Variants in SYNDIG1 observed in about 807,000 individuals in gnomAD.
SYNDIG1 encodes synapse differentiation-inducing gene protein 1.
Under a neutral mutation model 19.4 loss-of-function variants are expected in SYNDIG1, and 9 were observed. The ratio of observed to expected loss-of-function variants is 0.46; its 90% CI spans 0.28 to 0.81. The LOEUF (loss-of-function observed/expected upper bound fraction) is 0.81. Ranked by LOEUF, SYNDIG1 falls within the 30% of genes least tolerant of loss-of-function variation. SYNDIG1 has a pLI of 0.12. For synonymous variants in SYNDIG1, 141 were observed against 145.9 expected (o/e 0.97, Z 0.24); for missense variants, 311 against 343.3 (o/e 0.91, Z 0.74).
chr20:24,582,877 A>C (rs1967153706), intron 2 of SYNDIG1, among the ~76,000 whole-genome samples: 1 of 152,194 alleles, frequency 6.6e-6, no homozygotes, highest in African/African-American at 2.4e-5. Context: ...GCCCAGCAGG[A>C]GGGGCGAGGC....
At chr20:24,501,730 G>A (rs1344417885) in intron 1 of SYNDIG1, among the ~76,000 whole-genome samples, 3 of 152,188 alleles carry the variant, frequency 2.0e-5, no homozygotes, top group Admixed American at 1.3e-4. Flanking sequence ...CTGTGCTTCC[G>A]ATATTATTCA....
At chr20:24,533,039 G>A (rs1161171186) in intron 1 of SYNDIG1, among the ~76,000 whole-genome samples, 3 of 152,088 alleles carry the variant, frequency 2.0e-5, no homozygotes, top group Admixed American at 6.5e-5. Context: ...GCACGTGGGA[G>A]AGAATCCGTC....
chr20:24,560,322 C>T (rs1166757397), intron 2 of SYNDIG1, among the ~76,000 whole-genome samples: 2 of 151,928 alleles, frequency 1.3e-5, no homozygotes, highest in Non-Finnish European at 2.9e-5. Flanking sequence ...ATAGCAAATA[C>T]ATTGTTATGC....
chr20:24,561,844 G>T (rs1336509100), intron 2 of SYNDIG1, among the ~76,000 whole-genome samples: 8 of 152,200 alleles, frequency 5.3e-5, no homozygotes, highest in Admixed American at 3.3e-4. Context: ...TTGTGGTTAG[G>T]TTGAGAATGT....
In SYNDIG1 at chr20:24,665,754, G is replaced by T; in HGVS notation, c.*250G>T. The T allele has an allele frequency of 3.9e-6, 2 of 506,960 alleles. No individual in the cohort carries two copies. Among genetic ancestry groups the T allele is most frequent in the Non-Finnish European group, 6.6e-6 (2 of 301,788 alleles). The allele number at this position is 506,960 out of a possible 1,614,324, so 31.4% of individuals were successfully genotyped here. ...AGCTCCAAAGATCCCAGCCCGCAAG[G>T]CTGTCTCTGGATGGATTCTGGTGGA... On this transcript the variant is annotated 3_prime_UTR_variant, in exon 4 of 4. Coordinates refer to ENST00000376862, the MANE Select transcript of SYNDIG1 (RefSeq NM_024893.3).
intron 1 of SYNDIG1, among the ~76,000 whole-genome samples, chr20:24,480,718 G>C (rs1449991084): frequency 2.0e-5 from 3 of 152,198 alleles, no homozygotes; most frequent in Non-Finnish European, 4.4e-5. Flanking sequence ...AAACGTGGAA[G>C]CAAGCCAAGA....
chr20:24,552,995 T>C (rs1377849755), intron 2 of SYNDIG1, among the ~76,000 whole-genome samples: 2 of 151,942 alleles, frequency 1.3e-5, no homozygotes, highest in African/African-American at 4.8e-5. Flanking sequence ...TTTTAATGAT[T>C]GCCATTCTAA....
intron 3 of SYNDIG1, 58 bp downstream of exon 3, chr20:24,585,051 G>GT: frequency 2.1e-6 from 2 of 956,966 alleles, no homozygotes; most frequent in Non-Finnish European, 1.6e-6. Context: ...GTGGGGGTGG[G>GT]GGCGGCAATC....
intron 3 of SYNDIG1, among the ~76,000 whole-genome samples, chr20:24,626,096 T>A (rs1348253168): frequency 1.4e-5 from 2 of 148,102 alleles, no homozygotes; most frequent in African/African-American, 2.5e-5. Context: ...GAGGGGCTCC[T>A]CACTTCCCAG....
At chr20:24,537,451 A>G (rs2057384257) in intron 1 of SYNDIG1, among the ~76,000 whole-genome samples, 1 of 151,988 alleles carries the variant, frequency 6.6e-6, no homozygotes, top group Non-Finnish European at 1.5e-5. Context: ...TCCTGCTGCC[A>G]GTCTTGTTTT....
At chr20:24,629,201 C>T (rs1190686890) in intron 3 of SYNDIG1, among the ~76,000 whole-genome samples, 1 of 152,230 alleles carries the variant, frequency 6.6e-6, no homozygotes, top group Non-Finnish European at 1.5e-5. Context: ...CAGGAGCCCA[C>T]ACACTCCTCT....
chr20:24,584,652 G>C (rs2058384197), intron 2 of SYNDIG1, among the ~76,000 whole-genome samples: 1 of 152,192 alleles, frequency 6.6e-6, no homozygotes, highest in South Asian at 2.1e-4. Context: ...CCTGCTCTTG[G>C]CAAGCATTTC....
intron 2 of SYNDIG1, among the ~76,000 whole-genome samples, chr20:24,552,141 G>A (rs867748225): frequency 2.6e-5 from 4 of 152,030 alleles, no homozygotes; most frequent in African/African-American, 9.7e-5. Context: ...TTGGGGCTCC[G>A]TTGTTAAGAG....
chr20:24,590,920 G>C (rs1199142201), intron 3 of SYNDIG1, among the ~76,000 whole-genome samples: 1 of 152,164 alleles, frequency 6.6e-6, no homozygotes, highest in Non-Finnish European at 1.5e-5. Context: ...GCAAGAGGAA[G>C]GGAACCATCC....
chr20:24,620,917 A>G (rs1204515986), intron 3 of SYNDIG1, among the ~76,000 whole-genome samples: 1 of 152,240 alleles, frequency 6.6e-6, no homozygotes, highest in East Asian at 1.9e-4. Flanking sequence ...GCATTATTTC[A>G]GTAAAAGGTA....
At chr20:24,562,667 A>G (rs1347942965) in intron 2 of SYNDIG1, among the ~76,000 whole-genome samples, 2 of 152,200 alleles carry the variant, frequency 1.3e-5, no homozygotes, top group Non-Finnish European at 2.9e-5. Context: ...GGGTGCTGGC[A>G]TCTATCCAAA....
At chr20:24,655,502 C>G (rs2059515940) in intron 3 of SYNDIG1, among the ~76,000 whole-genome samples, 1 of 152,148 alleles carries the variant, frequency 6.6e-6, no homozygotes, top group Non-Finnish European at 1.5e-5. Context: ...ATGTTTAACT[C>G]CTTAAGAAAG....
At chr20:24,519,384 T>C (rs1355047985) in intron 1 of SYNDIG1, among the ~76,000 whole-genome samples, 1 of 152,236 alleles carries the variant, frequency 6.6e-6, no homozygotes, top group Non-Finnish European at 1.5e-5. Context: ...TCAGCAAATC[T>C]GAGGTTTAGT....
At position 24,513,594 on chromosome 20, in the gene SYNDIG1, A is replaced by G. The variant is rs535978643; in HGVS notation, c.-78-29426A>G. 7.0e-4 allele frequency among the ~76,000 whole-genome samples: 107 copies of G among 152,306 alleles called. 1 individual carries two copies. The highest frequency in any genetic ancestry group is 1.7e-3 in the South Asian group (8 of 4,820). On this transcript the variant is annotated intron_variant, in intron 1 of 3. Transcript: ENST00000376862. ...TAGAGGAAAAAAAGTAAAAAGAAAC[A>G]AACAAAGCCTCCAAGAAATATGGGA...
Sources: allele counts gnomAD v4.1 joint callset (sites outside exome capture counted in the v4.1 genomes callset), GRCh38; gene constraint gnomAD v4.1.1; transcripts MANE v1.5; gene names NCBI Gene and HGNC (gene_info 2026-07-23, HGNC 2026-07-21).